Variants in NALF1 observed in about 807,000 individuals in gnomAD.
The protein encoded by NALF1 is NALCN channel auxiliary factor 1.
Under a neutral mutation model 48.4 loss-of-function variants are expected in NALF1, and 3 were observed. The ratio of observed to expected loss-of-function variants is 0.06; its 90% CI spans 0.03 to 0.16. The LOEUF (loss-of-function observed/expected upper bound fraction) is 0.16, where lower values mean the gene tolerates loss of function less well. Among genes scored for constraint, NALF1 ranks in the 10% least tolerant of loss-of-function variants. NALF1 has a pLI of 1.00. For synonymous variants in NALF1, 262 were observed against 245.7 expected, an observed-to-expected ratio of 1.07 and a Z score of -0.62; for missense variants, 526 against 571.5, an observed-to-expected ratio of 0.92 and a Z score of 0.81.
chr13:107,838,836 G>A (rs1879972854), intron 1 of NALF1, among the ~76,000 whole-genome samples: 1 of 152,178 alleles, frequency 6.6e-6, no homozygotes, highest in African/African-American at 2.4e-5. Flanking sequence ...GTTCGGGGAT[G>A]TTTTGAGTAT....
At chr13:107,579,726 G>A (rs1256193711) in intron 1 of NALF1, among the ~76,000 whole-genome samples, 1 of 151,220 alleles carries the variant, frequency 6.6e-6, no homozygotes, top group Non-Finnish European at 1.5e-5. Flanking sequence ...ACAATGTGCA[G>A]GTTAGTTACA....
At chr13:107,768,846 A>G (rs1237665975) in intron 1 of NALF1, among the ~76,000 whole-genome samples, 1 of 152,162 alleles carries the variant, frequency 6.6e-6, no homozygotes, top group Non-Finnish European at 1.5e-5. Context: ...TTTACAAGAA[A>G]AAAACAAACA....
chr13:107,859,564 T>G (rs1449323974), intron 1 of NALF1, among the ~76,000 whole-genome samples: 1 of 152,162 alleles, frequency 6.6e-6, no homozygotes, highest in Non-Finnish European at 1.5e-5. Context: ...AACAATTTGT[T>G]GACAAGAAAG....
rs562429669 is a variant in NALF1, at chr13:107,577,715, C to A, written c.915+287967G>T. Among the ~76,000 whole-genome samples, 3 of 152,196 alleles carry A rather than the reference C, an allele frequency of 2.0e-5. No homozygotes were observed. The East Asian group carries it at 5.8e-4, about 29-fold the overall frequency. ...TTTCTCTCCCTCAAGTTTTCTGTGACCTGTATGTTGTAAAGACCACCCCGT... is the reference window on the plus strand; with the variant it reads ...TTTCTCTCCCTCAAGTTTTCTGTGAACTGTATGTTGTAAAGACCACCCCGT... On this transcript the variant is annotated intron_variant, in intron 1 of 2. Transcript: ENST00000375915.
At chr13:107,250,635 C>T (rs529060389) in intron 1 of NALF1, among the ~76,000 whole-genome samples, 3 of 152,194 alleles carry the variant, frequency 2.0e-5, no homozygotes, top group African/African-American at 4.8e-5. Flanking sequence ...TCATCAGTTT[C>T]GGCGCATTGG....
chr13:107,824,970 C>T (rs1031985243), intron 1 of NALF1, among the ~76,000 whole-genome samples: 2 of 152,048 alleles, frequency 1.3e-5, no homozygotes, highest in Admixed American at 1.3e-4. Flanking sequence ...GGACATGATC[C>T]CAAACCACGA....
intron 1 of NALF1, among the ~76,000 whole-genome samples, chr13:107,741,567 A>C (rs939110350): frequency 1.3e-5 from 2 of 152,198 alleles, no homozygotes; most frequent in Non-Finnish European, 2.9e-5. Flanking sequence ...GAAGAGAAAT[A>C]TCTTGCAATA....
At chr13:107,815,541 G>A (rs1879137727) in intron 1 of NALF1, among the ~76,000 whole-genome samples, 1 of 152,128 alleles carries the variant, frequency 6.6e-6, no homozygotes, top group South Asian at 2.1e-4. Flanking sequence ...AAGAGATGGG[G>A]ACCCTTGCAC....
At chr13:107,580,212 C>G (rs2138409778) in intron 1 of NALF1, among the ~76,000 whole-genome samples, 1 of 152,258 alleles carries the variant, frequency 6.6e-6, no homozygotes, top group East Asian at 1.9e-4. Context: ...AAACCAAACA[C>G]CGCATATTCT....
chr13:107,509,174 TTC>T (rs1434144845), intron 1 of NALF1, among the ~76,000 whole-genome samples: 4 of 152,168 alleles, frequency 2.6e-5, no homozygotes, highest in Admixed American at 1.3e-4. Context: ...AGCTTATATA[TTC>T]TCTTTTAGTA....
At chr13:107,726,741 C>T (rs770011888) in intron 1 of NALF1, among the ~76,000 whole-genome samples, 6 of 151,556 alleles carry the variant, frequency 4.0e-5, no homozygotes, top group Non-Finnish European at 7.4e-5. Context: ...CATTGAGTAG[C>T]TAGGACTACA....
At chr13:107,217,706 A>G (rs1879903319) in intron 1 of NALF1, among the ~76,000 whole-genome samples, 1 of 151,898 alleles carries the variant, frequency 6.6e-6, no homozygotes, top group Non-Finnish European at 1.5e-5. Flanking sequence ...CTCTTCAATC[A>G]CCACGCCCTG....
At chr13:107,652,275 A>G (rs745780970) in intron 1 of NALF1, among the ~76,000 whole-genome samples, 4 of 152,080 alleles carry the variant, frequency 2.6e-5, no homozygotes, top group Non-Finnish European at 4.4e-5. Context: ...ACACTGCTCT[A>G]TTTGTCATTC....
chr13:107,644,153 A>ATT lies in NALF1; in HGVS notation c.915+221528_915+221529insAA, dbSNP rs561884006. ...CCATAAAATTTACGTCTTCAGAAAT[A>ATT]CTCATCTCAAGAATATCTCTTTAAA... On this transcript the variant is annotated intron_variant, in intron 1 of 2. Transcript: ENST00000375915. 1.5e-3 allele frequency among the ~76,000 whole-genome samples: 232 copies of ATT among 152,228 alleles called. 2 individuals are homozygous for ATT. Among genetic ancestry groups the ATT allele is most frequent in the African/African-American group, 5.2e-3 (214 of 41,516 alleles).
chr13:107,208,554 G>A (rs993913620), intron 2 of NALF1, among the ~76,000 whole-genome samples: 1 of 152,044 alleles, frequency 6.6e-6, no homozygotes, highest in African/African-American at 2.4e-5. Context: ...CCTTCATTTG[G>A]GTTTTTTGTC....
intron 1 of NALF1, among the ~76,000 whole-genome samples, chr13:107,274,796 G>A (rs1413260914): frequency 1.3e-5 from 2 of 152,130 alleles, no homozygotes; most frequent in African/African-American, 4.8e-5. Context: ...GGGTATGTAA[G>A]AGAATACTGA....
At chr13:107,386,637 G>A (rs528421385) in intron 1 of NALF1, among the ~76,000 whole-genome samples, 2 of 152,286 alleles carry the variant, frequency 1.3e-5, no homozygotes, top group South Asian at 4.2e-4. Context: ...CCAAACCAGG[G>A]AGATGGCCTG....
intron 1 of NALF1, among the ~76,000 whole-genome samples, chr13:107,573,374 A>T (rs1878046010): frequency 6.6e-6 from 1 of 152,118 alleles, no homozygotes; most frequent in African/African-American, 2.4e-5. Flanking sequence ...AAAACTGCTG[A>T]CCTGGGGAAT....
At chr13:107,811,985 T>G (rs1030558291) in intron 1 of NALF1, among the ~76,000 whole-genome samples, 4 of 152,120 alleles carry the variant, frequency 2.6e-5, no homozygotes, top group South Asian at 2.1e-4. Context: ...CAGTTAAAAT[T>G]TTTCCTCATT....
Sources: gnomAD v4.1 joint callset for allele counts (sites outside exome capture counted in the v4.1 genomes callset) on GRCh38, gnomAD v4.1.1 for gene constraint, MANE v1.5 for transcripts, NCBI Gene and HGNC (gene_info 2026-07-23, HGNC 2026-07-21) for gene names.